Variants in NAA60 observed in about 807,000 individuals in gnomAD.
The protein encoded by NAA60 is N-alpha-acetyltransferase 60, NatF catalytic subunit.
A neutral mutation model predicts 26.1 loss-of-function variants in NAA60; 8 were observed. The ratio of observed to expected loss-of-function variants is 0.31; its 90% CI spans 0.18 to 0.55. The LOEUF is 0.55. NAA60 is among the 20% of genes least tolerant of loss of function. The probability of loss-of-function intolerance (pLI) is 0.93; values close to 1 mark genes in which losing one functional copy is unlikely to be tolerated. For missense variants in NAA60, 290 were observed against 311.3 expected (o/e 0.93, Z 0.51); for synonymous variants, 131 against 122.5 (o/e 1.07, Z -0.46).
intron 5 of NAA60, chr16:3,483,034 T>G (rs2036947028): frequency 2.1e-6 from 1 of 482,712 alleles, no homozygotes; most frequent in South Asian, 2.5e-5. Flanking sequence ...AGAGTCTTAA[T>G]TAATTTTAAA....
chr16:3,481,829 G>A (rs898751207), intron 4 of NAA60, among the ~76,000 whole-genome samples: 5 of 152,190 alleles, frequency 3.3e-5, no homozygotes, highest in African/African-American at 4.8e-5. Context: ...AGGGAGCCTG[G>A]ACAGGCTGAC....
At chr16:3,449,956 C>CAAAAAG (rs2150946228) in intron 2 of NAA60, 1 of 398,162 alleles carries the variant, frequency 2.5e-6, no homozygotes, top group South Asian at 1.3e-4. Context: ...TCCATTAAAC[C>CAAAAAG]TCTTTTTTTT....
At chr16:3,473,983 C>G (rs1364903667) in intron 2 of NAA60, among the ~76,000 whole-genome samples, 1 of 152,016 alleles carries the variant, frequency 6.6e-6, no homozygotes, top group Admixed American at 6.6e-5. Context: ...ATCCACCAGC[C>G]TTGGCCTTCC....
chr16:3,476,516 C>G (rs1275980029), intron 3 of NAA60, among the ~76,000 whole-genome samples, 179 bp downstream of exon 3: 1 of 152,172 alleles, frequency 6.6e-6, no homozygotes, highest in Non-Finnish European at 1.5e-5. Flanking sequence ...CTGCTGGGCT[C>G]TTTCCACCTC....
At position 3,452,332 on chromosome 16, in the gene NAA60, C is replaced by T. The variant is rs148854156; in HGVS notation, c.-7+3792C>T. On this transcript the variant is annotated intron_variant, in intron 2 of 7. Coordinates refer to ENST00000407558, the MANE Select transcript of NAA60 (RefSeq NM_001083601.3). ...AGAATAAATTGGTAAAACTTTCTGGCAGGCAATCTAGGGTTTGTTTCCAAA... is the reference window on the plus strand; with the variant it reads ...AGAATAAATTGGTAAAACTTTCTGGTAGGCAATCTAGGGTTTGTTTCCAAA... Among the ~76,000 whole-genome samples the T allele has an allele frequency of 3.3e-3, 502 of 152,256 alleles. 3 individuals are homozygous for T. The highest frequency in any genetic ancestry group is 5.7e-3 in the Non-Finnish European group (390 of 68,018).
rs1418087101 is a variant in NAA60, at chr16:3,482,377, C to T, written c.241-125C>T. 38 of 748,772 alleles carry T rather than the reference C, an allele frequency of 5.1e-5. No individual in the cohort carries two copies. The Admixed American group carries it at 7.3e-4, about 14-fold the overall frequency. 46.4% of individuals were successfully genotyped at this position (748,772 alleles called of 1,614,324 possible). ...CCCTCTCCAGTACCTCTTGATTCTGCCCCTCCCAGTCGGTGTCCCTCTGGC... is the reference window on the plus strand; with the variant it reads ...CCCTCTCCAGTACCTCTTGATTCTGTCCCTCCCAGTCGGTGTCCCTCTGGC... On this transcript the variant is annotated intron_variant, in intron 4 of 7. Transcript: ENST00000407558.
chr16:3,467,274 A>G (rs2035828081), intron 2 of NAA60, among the ~76,000 whole-genome samples: 1 of 151,888 alleles, frequency 6.6e-6, no homozygotes. Context: ...AGGGTCTGGG[A>G]GCATGTTAGG....
chr16:3,458,674 C>G lies in NAA60; in HGVS notation c.-7+10134C>G, dbSNP rs115560474. On this transcript the variant is annotated intron_variant, in intron 2 of 7. Coordinates refer to ENST00000407558, the MANE Select transcript of NAA60 (RefSeq NM_001083601.3). ...TGGAGTCATCTGCGACTTGTTTGCCCTCCTCTGAACTCCTGAAAGCCAGGG... is the reference window on the plus strand; with the variant it reads ...TGGAGTCATCTGCGACTTGTTTGCCGTCCTCTGAACTCCTGAAAGCCAGGG... Among the ~76,000 whole-genome samples, 1,438 of 152,250 alleles carry G rather than the reference C, an allele frequency of 9.4e-3. 34 individuals carry two copies. Among genetic ancestry groups the G allele is most frequent in the African/African-American group, 0.033 (1,379 of 41,530 alleles).
intron 2 of NAA60, among the ~76,000 whole-genome samples, chr16:3,458,469 G>A (rs1053947407): frequency 2.6e-5 from 4 of 152,168 alleles, no homozygotes; most frequent in Non-Finnish European, 5.9e-5. Flanking sequence ...TTGCGTCAGT[G>A]TCCGACCCCG....
At chr16:3,456,464 TTTA>T (rs1432880338) in intron 2 of NAA60, among the ~76,000 whole-genome samples, 26 of 152,274 alleles carry the variant, frequency 1.7e-4, no homozygotes, top group African/African-American at 6.3e-4. Flanking sequence ...AACCCCATCT[TTTA>T]TTTTGAAAAT....
At chr16:3,449,769 G>T (rs962547499) in intron 2 of NAA60, among the ~76,000 whole-genome samples, 3 of 152,042 alleles carry the variant, frequency 2.0e-5, no homozygotes, top group African/African-American at 7.2e-5. Context: ...TAATTGAATC[G>T]TGGGGCAGGT....
intron 6 of NAA60, 127 bp downstream of exon 6, chr16:3,483,724 C>T (rs1055749649): frequency 5.6e-6 from 4 of 708,020 alleles, no homozygotes; most frequent in Non-Finnish European, 9.8e-6. Flanking sequence ...GGATGCTTCT[C>T]TCCCTTACCT....
At chr16:3,468,056 G>C (rs982527840) in intron 2 of NAA60, 6 of 152,242 alleles carry the variant, frequency 3.9e-5, no homozygotes, top group African/African-American at 1.2e-4. Flanking sequence ...CGATCAGTCT[G>C]ATTGGTTGAG....
intron 2 of NAA60, among the ~76,000 whole-genome samples, chr16:3,454,059 T>A (rs1403431604): frequency 6.6e-6 from 1 of 152,040 alleles, no homozygotes; most frequent in Non-Finnish European, 1.5e-5. Context: ...AGGGTGAAAA[T>A]TAAAATGACT....
intron 2 of NAA60, among the ~76,000 whole-genome samples, chr16:3,466,933 C>T (rs2035801589): frequency 1.3e-5 from 2 of 152,072 alleles, no homozygotes; most frequent in South Asian, 4.1e-4. Flanking sequence ...AGGAGTAAAG[C>T]AGAAAGGTGG....
In NAA60 at chr16:3,452,888, G is replaced by A. The variant is rs543664057; in HGVS notation, c.-7+4348G>A. Among the ~76,000 whole-genome samples, 5 of 152,160 alleles carry A rather than the reference G, an allele frequency of 3.3e-5. No individual in the cohort carries two copies. The South Asian group carries it at 1.0e-3, about 32-fold the overall frequency. On this transcript the variant is annotated intron_variant, in intron 2 of 7. Transcript: ENST00000407558. ...GAGGATCACTTGAGACCAGGAGGTC[G>A]ACACTGCAGTAAGCCGTGATCATGC...
chr16:3,478,064 A>AAAT lies in NAA60; in HGVS notation c.111-1383_111-1381dup, dbSNP rs60478448. Among the ~76,000 whole-genome samples, 1,164 of 137,252 alleles carry AAAT rather than the reference A, an allele frequency of 8.5e-3. 10 individuals carry two copies. The highest frequency in any genetic ancestry group is 0.023 in the East Asian group (112 of 4,768). The allele number at this position is 137,252 out of a possible 152,430, so 90.0% of individuals were successfully genotyped here. A position where few individuals can be genotyped will look rare whatever the true frequency, so the allele number is the denominator to read the frequency against. Reference sequence around the variant, plus strand: ...TGAGCGACAGTGAGACTCTGTCTCAAAATAATAATAATAATAATAATAATA... The same window carrying AAAT: ...TGAGCGACAGTGAGACTCTGTCTCAAAATAATAATAATAATAATAATAATAATA... On this transcript the variant is annotated intron_variant, in intron 3 of 7. Coordinates refer to ENST00000407558, the MANE Select transcript of NAA60 (RefSeq NM_001083601.3).
chr16:3,452,856 G>A (rs1003944590), intron 2 of NAA60, among the ~76,000 whole-genome samples: 1 of 152,114 alleles, frequency 6.6e-6, no homozygotes, highest in South Asian at 2.1e-4. Flanking sequence ...TGGGGAGGCT[G>A]AGGTGGGAGG....
intron 2 of NAA60, 80 bp from the exon 3 acceptor site, chr16:3,476,142 T>A: frequency 1.8e-6 from 2 of 1,099,390 alleles, no homozygotes; most frequent in Non-Finnish European, 2.6e-6. Flanking sequence ...TCCGTGCTCT[T>A]CTGTCTCGCC....
Sources: allele counts gnomAD v4.1 joint callset (sites outside exome capture counted in the v4.1 genomes callset), GRCh38; gene constraint gnomAD v4.1.1; transcripts MANE v1.5; gene names NCBI Gene and HGNC (gene_info 2026-07-23, HGNC 2026-07-21).